PSPC1: variants seen among roughly 807,000 people sequenced by gnomAD.
PSPC1 encodes the protein paraspeckle protein 1.
PSPC1 carries 14 observed loss-of-function variants against 51.6 expected under a neutral mutation model. The observed-to-expected ratio is 0.27, with a 90% CI of 0.18 to 0.42. PSPC1 has a LOEUF of 0.42. Among genes scored for constraint, PSPC1 ranks in the 10% least tolerant of loss-of-function variants. PSPC1 has a pLI of 1.00. For synonymous variants in PSPC1, 193 were observed against 231.9 expected (o/e 0.83, Z 1.53); for missense variants, 406 against 701.1 (o/e 0.58, Z 4.75).
At chr13:19,671,795 T>G, downstream of PSPC1, 1 of 1,599,756 alleles carries the variant, frequency 6.3e-7, no homozygotes, top group Non-Finnish European at 8.5e-7. Context: ...AGGGGAAATC[T>G]GGATCTGTAC....
intron 4 of PSPC1, among the ~76,000 whole-genome samples, chr13:19,750,097 T>C (rs1275639666): frequency 1.3e-5 from 2 of 152,118 alleles, no homozygotes; most frequent in Non-Finnish European, 2.9e-5. Context: ...CCAAAAGGAT[T>C]TAGAGAAGAA....
At chr13:19,756,665 G>A (rs1191315336) in intron 3 of PSPC1, among the ~76,000 whole-genome samples, 3 of 151,894 alleles carry the variant, frequency 2.0e-5, no homozygotes, top group African/African-American at 7.2e-5. Flanking sequence ...ACACCCGGCT[G>A]ATTTTTGTAA....
intron 6 of PSPC1, among the ~76,000 whole-genome samples, chr13:19,691,643 C>T (rs777827145): frequency 1.8e-4 from 27 of 151,956 alleles, no homozygotes; most frequent in Non-Finnish European, 3.5e-4. Context: ...AAAGGCCGGG[C>T]GTGGTGAGTC....
intron 6 of PSPC1, among the ~76,000 whole-genome samples, chr13:19,715,380 A>G (rs1373863583): frequency 6.6e-6 from 1 of 152,208 alleles, no homozygotes; most frequent in African/African-American, 2.4e-5. Flanking sequence ...CTACTGGCAC[A>G]TGGCACTTTT....
intron 6 of PSPC1, among the ~76,000 whole-genome samples, chr13:19,697,384 TC>T (rs373666121): frequency 2.6e-5 from 4 of 152,302 alleles, no homozygotes; most frequent in African/African-American, 9.6e-5. Context: ...CAAGTTTTTT[TC>T]CACTGTTGTA....
chr13:19,747,798 G>C (rs564646557), intron 4 of PSPC1, among the ~76,000 whole-genome samples: 1 of 152,254 alleles, frequency 6.6e-6, no homozygotes, highest in South Asian at 2.1e-4. Context: ...CAATTTTTCT[G>C]TATTGTTTGA....
rs1260651922 is a variant in PSPC1, at chr13:19,741,697, AT to A, written c.968-49del. ...TAATATTTTTAGTTTCCCTTTCCAT[AT>A]TTTTATACCAATAAGCATAGAAGTT... On this transcript the variant is annotated intron_variant, in intron 4 of 8. Coordinates refer to ENST00000338910, the MANE Select transcript of PSPC1 (RefSeq NM_001354909.2). 6.5e-6 allele frequency: 8 copies of A among 1,240,278 alleles called. No individual in the cohort carries two copies. The African/African-American group carries it at 7.6e-5, about 12-fold the overall frequency. 76.8% of individuals were successfully genotyped at this position (1,240,278 alleles called of 1,614,324 possible). A position where few individuals can be genotyped will look rare whatever the true frequency, so the allele number is the denominator to read the frequency against.
intron 5 of PSPC1, among the ~76,000 whole-genome samples, chr13:19,739,015 T>C (rs542315845): frequency 2.0e-5 from 3 of 152,288 alleles, no homozygotes; most frequent in African/African-American, 4.8e-5. Context: ...TCCATAGATG[T>C]AGAACCCACA....
At chr13:19,707,826 A>G (rs1473809598) in intron 7 of PSPC1, among the ~76,000 whole-genome samples, 4 of 152,294 alleles carry the variant, frequency 2.6e-5, no homozygotes, top group Admixed American at 6.5e-5. Flanking sequence ...TAATGATAAC[A>G]GCCTTTTAAA....
chr13:19,763,188 C>T lies in PSPC1; in HGVS notation c.675-3770G>A, dbSNP rs1277794384. ...TCTTTTTTCTTGAGACAGTGTCTCACTCTGTTGTCTAGGCTGGAGTGCAGT... is the reference window on the plus strand; with the variant it reads ...TCTTTTTTCTTGAGACAGTGTCTCATTCTGTTGTCTAGGCTGGAGTGCAGT... On this transcript the variant is annotated intron_variant, in intron 2 of 8. Coordinates refer to ENST00000338910, the MANE Select transcript of PSPC1 (RefSeq NM_001354909.2). Among the ~76,000 whole-genome samples, 3 of 151,946 alleles carry T rather than the reference C, an allele frequency of 2.0e-5. No individual in the cohort carries two copies. The East Asian group carries it at 5.8e-4, about 29-fold the overall frequency.
intron 6 of PSPC1, among the ~76,000 whole-genome samples, chr13:19,710,860 G>C (rs1200965408): frequency 6.7e-6 from 1 of 149,302 alleles, no homozygotes. Flanking sequence ...TTTTTTCCCA[G>C]AGATCCTCGC....
intron 4 of PSPC1, among the ~76,000 whole-genome samples, chr13:19,743,406 C>T (rs916391615): frequency 6.6e-6 from 1 of 152,098 alleles, no homozygotes; most frequent in African/African-American, 2.4e-5. Context: ...AATAGCAAGA[C>T]AGGCATCATA....
intron 6 of PSPC1, among the ~76,000 whole-genome samples, chr13:19,710,598 T>C (rs576997671): frequency 1.3e-5 from 2 of 152,278 alleles, no homozygotes; most frequent in East Asian, 3.9e-4. Context: ...CGAAAGACTG[T>C]TGAAAAGCAC....
chr13:19,764,752 G>A (rs1410273911), intron 2 of PSPC1, among the ~76,000 whole-genome samples: 1 of 134,912 alleles, frequency 7.4e-6, no homozygotes, highest in African/African-American at 2.7e-5. Context: ...TCTTTTTTTT[G>A]AGACAGGGTC....
chr13:19,691,508 T>A (rs1451268951), intron 6 of PSPC1, among the ~76,000 whole-genome samples: 3 of 151,868 alleles, frequency 2.0e-5, no homozygotes, highest in Non-Finnish European at 4.4e-5. Context: ...AGTGACAGAG[T>A]GAGACCTTGT....
chr13:19,672,191 C>A (rs995722176), downstream of PSPC1: 10 of 271,028 alleles, frequency 3.7e-5, no homozygotes, highest in Admixed American at 4.6e-4. Context: ...GTTGCCCAGG[C>A]TGGAGTGCAA....
downstream of PSPC1, among the ~76,000 whole-genome samples, chr13:19,700,717 TCA>T (rs1879797406): frequency 6.6e-6 from 1 of 152,078 alleles, no homozygotes; most frequent in Non-Finnish European, 1.5e-5. Context: ...CTTCAAATCA[TCA>T]CACAAACTAT....
chr13:19,699,999 A>C (rs1205499691), downstream of PSPC1, among the ~76,000 whole-genome samples: 1 of 152,012 alleles, frequency 6.6e-6, no homozygotes, highest in Non-Finnish European at 1.5e-5. Flanking sequence ...TTTATTTTTC[A>C]CTAATACCAT....
intron 6 of PSPC1, among the ~76,000 whole-genome samples, chr13:19,682,903 A>G (rs1379746068): frequency 7.0e-6 from 1 of 143,014 alleles, no homozygotes; most frequent in African/African-American, 2.6e-5. Context: ...GTCTCTCACT[A>G]AAAAAAAAAA....
Sources: allele counts gnomAD v4.1 joint callset (sites outside exome capture counted in the v4.1 genomes callset), GRCh38; gene constraint gnomAD v4.1.1; transcripts MANE v1.5; gene names NCBI Gene and HGNC (gene_info 2026-07-23, HGNC 2026-07-21).